The following ADAMTS5 variants were observed in gnomAD, a reference collection of about 807,000 sequenced individuals.
The protein encoded by ADAMTS5 is A disintegrin and metalloproteinase with thrombospondin motifs 5.
A neutral mutation model predicts 81.4 loss-of-function variants in ADAMTS5; 54 were observed. That is an observed-to-expected ratio of 0.66 (90% CI 0.53 to 0.83). ADAMTS5 has a LOEUF of 0.83. ADAMTS5 is among the 40% of genes least tolerant of loss of function. The pLI, the probability that ADAMTS5 is intolerant of heterozygous loss-of-function variation, is 0.00. For synonymous variants in ADAMTS5, 532 were observed against 508.8 expected, an observed-to-expected ratio of 1.05 and a Z score of -0.61; for missense variants, 1,194 against 1,229.9, an observed-to-expected ratio of 0.97 and a Z score of 0.44.
intron 1 of ADAMTS5, among the ~76,000 whole-genome samples, chr21:26,957,004 G>C (rs1176271082): frequency 6.6e-6 from 1 of 152,122 alleles, no homozygotes; most frequent in Non-Finnish European, 1.5e-5. Flanking sequence ...TGACTACTCA[G>C]CCACACTATA....
chr21:26,938,693 C>T (rs1164270878), intron 3 of ADAMTS5, among the ~76,000 whole-genome samples: 1 of 152,120 alleles, frequency 6.6e-6, no homozygotes, highest in African/African-American at 2.4e-5. Context: ...ACATGCCCAA[C>T]TGATTTTTGT....
intron 5 of ADAMTS5, 143 bp from the exon 6 acceptor site, chr21:26,932,322 G>T: frequency 2.6e-6 from 2 of 770,066 alleles, no homozygotes; most frequent in African/African-American, 1.8e-5. Context: ...AATGCTGATG[G>T]ATTTTATCTA....
Position 26,920,378 on chromosome 21 carries a change from T to C in ADAMTS5, c.*3675A>G, listed in dbSNP as rs2123226378. On this transcript the variant is annotated 3_prime_UTR_variant, in exon 8 of 8. Coordinates refer to ENST00000284987, the MANE Select transcript of ADAMTS5 (RefSeq NM_007038.5). The stretch of plus-strand genomic sequence containing the variant: ...ATCACCCCATGGGATTCAACAGCAG[T>C]AGGAAAACATCACATTCTCTTAATG... The C allele has an allele frequency of 6.6e-6, 1 of 152,132 alleles. No individual in the cohort carries two copies. Among genetic ancestry groups the C allele is most frequent in the East Asian group, 1.9e-4 (1 of 5,180 alleles). The allele number at this position is 152,132 out of a possible 1,614,324, so 9.4% of individuals were successfully genotyped here. A position where few individuals can be genotyped will look rare whatever the true frequency, so the allele number is the denominator to read the frequency against.
chr21:26,965,693 T>C lies in ADAMTS5; in HGVS notation c.699A>G (p.Ala233=). The C allele has an allele frequency of 1.3e-6, 2 of 1,582,746 alleles. No individual in the cohort carries two copies. The highest frequency in any genetic ancestry group is 2.3e-5 in the South Asian group (2 of 87,638). The change falls in exon 1 of 8, where the codon GCA becomes GCG. Residue 233 remains alanine, a synonymous_variant. Coordinates refer to ENST00000284987, the MANE Select transcript of ADAMTS5 (RefSeq NM_007038.5). ...PAHSNPSGRA[A]LASQLLDQSA... Reference sequence around the variant, plus strand: ...ACTGGTCCAAGAGCTGCGAGGCCAGTGCTGCGCGTCCGCTCGGGTTGCTGT... The same window carrying C: ...ACTGGTCCAAGAGCTGCGAGGCCAGCGCTGCGCGTCCGCTCGGGTTGCTGT...
chr21:26,966,554 C>G lies in ADAMTS5; in HGVS notation c.-163G>C, dbSNP rs1987680769. 1 of 525,424 alleles carries G rather than the reference C, an allele frequency of 1.9e-6. No homozygotes were observed. The highest frequency in any genetic ancestry group is 2.8e-6 in the Non-Finnish European group (1 of 358,504). 32.5% of individuals were successfully genotyped at this position (525,424 alleles called of 1,614,324 possible). On this transcript the variant is annotated 5_prime_UTR_variant, in exon 1 of 8. Coordinates refer to ENST00000284987, the MANE Select transcript of ADAMTS5 (RefSeq NM_007038.5). ...GGCCCGGCAGCAGCGCCAGCCTGTC[C>G]GGGCTGCGGTGCCAGCGTGCGAACT...
intron 6 of ADAMTS5, among the ~76,000 whole-genome samples, chr21:26,931,762 A>T (rs1206286300): frequency 1.3e-5 from 2 of 152,240 alleles, no homozygotes; most frequent in Non-Finnish European, 2.9e-5. Context: ...TACACCTTTT[A>T]CAGTGAGTTA....
chr21:26,963,375 CAATT>C (rs1264319357), intron 1 of ADAMTS5, among the ~76,000 whole-genome samples: 13 of 151,598 alleles, frequency 8.6e-5, no homozygotes, highest in African/African-American at 3.2e-4. Context: ...TTCTGGGAAA[CAATT>C]AGGAATGTTA....
chr21:26,966,263 G>C lies in ADAMTS5; in HGVS notation c.129C>G (p.Pro43=), dbSNP rs1418588542. 1 of 1,581,246 alleles carries C rather than the reference G, an allele frequency of 6.3e-7. No individual in the cohort carries two copies. Among genetic ancestry groups the C allele is most frequent in the Non-Finnish European group, 8.6e-7 (1 of 1,167,130 alleles). Residue 43 remains proline, a synonymous_variant, in exon 1 of 8, where the codon CCC becomes CCG. Coordinates refer to ENST00000284987, the MANE Select transcript of ADAMTS5 (RefSeq NM_007038.5). ...QPPTAAAAAQ[P]RRRQGEEVQE... The stretch of plus-strand genomic sequence containing the variant: ...GCACCTCCTCCCCCTGCCGCCGGCG[G>C]GGCTGGGCGGCTGCTGCAGCAGTCG...
chr21:26,947,523 T>A (rs1987238951), intron 2 of ADAMTS5, among the ~76,000 whole-genome samples: 1 of 152,008 alleles, frequency 6.6e-6, no homozygotes, highest in Non-Finnish European at 1.5e-5. Context: ...AATCTCCACC[T>A]CCCGGGTTCA....
Position 26,966,189 on chromosome 21 carries a change from C to A in ADAMTS5, c.203G>T (p.Arg68Leu), listed in dbSNP as rs761530593. ...GTTCTGCACCAGCCCCTTGCTCCTG[C>A]GCCGCTGCGCCAGGGGGTGCGGGTG... ...PGHPHPLAQR[R>L]RSKGLVQNID... The change falls in exon 1 of 8, where the codon CGC becomes CTC. Residue 68 changes from arginine (R) to leucine (L), a missense_variant. Arg to Leu is a moderately radical substitution (Grantham distance 102). Transcript: ENST00000284987. The A allele has an allele frequency of 6.3e-7, 1 of 1,599,400 alleles. No individual in the cohort carries two copies. Among genetic ancestry groups the A allele is most frequent in the African/African-American group, 1.3e-5 (1 of 74,652 alleles).
rs1987383054 is a variant in ADAMTS5, at chr21:26,954,560, CTT to C, written c.1237+177_1237+178del. On this transcript the variant is annotated intron_variant, in intron 2 of 7. Transcript: ENST00000284987. ...AAGAAAACATCCACCGTGTTGCTGA[CTT>C]TGCCTTCCCTGTCGCTCGTATTAGT... 1.3e-5 allele frequency among the ~76,000 whole-genome samples: 2 copies of C among 152,208 alleles called. 1 individual carries two copies. The highest frequency in any genetic ancestry group is 4.1e-4 in the South Asian group (2 of 4,834).
intron 1 of ADAMTS5, among the ~76,000 whole-genome samples, chr21:26,958,866 A>G (rs1334981250): frequency 6.6e-6 from 1 of 152,248 alleles, no homozygotes. Flanking sequence ...GAATCCATAA[A>G]GGTGTCTCCA....
Position 26,920,005 on chromosome 21 carries a change from A to C in ADAMTS5, c.*4048T>G, listed in dbSNP as rs1310684334. 2 of 151,932 alleles carry C rather than the reference A, an allele frequency of 1.3e-5. No individual in the cohort carries two copies. Among genetic ancestry groups the C allele is most frequent in the African/African-American group, 4.9e-5 (2 of 41,234 alleles). 9.4% of individuals were successfully genotyped at this position (151,932 alleles called of 1,614,324 possible). On this transcript the variant is annotated 3_prime_UTR_variant, in exon 8 of 8. Coordinates refer to ENST00000284987, the MANE Select transcript of ADAMTS5 (RefSeq NM_007038.5). ...TGTTAGCAAATATAAGGTATTTGTA[A>C]AGCATCTTTCATTATAAAGAGATTA...
rs369940415 is a variant in ADAMTS5, at chr21:26,966,479, GACAC to G, written c.-92_-89del. On this transcript the variant is annotated 5_prime_UTR_variant, in exon 1 of 8. Coordinates refer to ENST00000284987, the MANE Select transcript of ADAMTS5 (RefSeq NM_007038.5). ...TGAAGTTAACGGGGCGGGGGATGGGGACACACACACACTTGCTTGCAGGATTGAG... is the reference window on the plus strand; with the variant it reads ...TGAAGTTAACGGGGCGGGGGATGGGGACACACACTTGCTTGCAGGATTGAG... 2 of 1,296,352 alleles carry G rather than the reference GACAC, an allele frequency of 1.5e-6. No homozygotes were observed. Among genetic ancestry groups the G allele is most frequent in the East Asian group, 3.0e-5 (1 of 33,084 alleles). 80.3% of individuals were successfully genotyped at this position (1,296,352 alleles called of 1,614,324 possible).
chr21:26,929,012 G>A (rs1986857582), intron 7 of ADAMTS5, among the ~76,000 whole-genome samples: 1 of 152,096 alleles, frequency 6.6e-6, no homozygotes, highest in South Asian at 2.1e-4. Flanking sequence ...AATAGAATTA[G>A]TAACGCATAT....
chr21:26,963,522 A>G (rs1258081650), intron 1 of ADAMTS5, among the ~76,000 whole-genome samples: 4 of 151,536 alleles, frequency 2.6e-5, no homozygotes, highest in Non-Finnish European at 5.9e-5. Context: ...TATGCTTACA[A>G]AAGTATTTCT....
intron 7 of ADAMTS5, among the ~76,000 whole-genome samples, chr21:26,929,516 A>G (rs534569125): frequency 2.6e-5 from 4 of 152,206 alleles, no homozygotes; most frequent in Non-Finnish European, 1.5e-5. Flanking sequence ...TGTTTTTAAA[A>G]ATATAGTTAA....
Position 26,923,753 on chromosome 21 carries a change from G to A in ADAMTS5, c.*300C>T, listed in dbSNP as rs1415251164. The A allele has an allele frequency of 6.6e-6, 2 of 304,236 alleles. No individual in the cohort carries two copies. Among genetic ancestry groups the A allele is most frequent in the East Asian group, 1.1e-4 (2 of 17,452 alleles). 18.8% of individuals were successfully genotyped at this position (304,236 alleles called of 1,614,324 possible). ...CATTCTATCAGAGGTAGGTGACAAGGGGGAGACAGTTCTGCCATCTTCAAA... is the reference window on the plus strand; with the variant it reads ...CATTCTATCAGAGGTAGGTGACAAGAGGGAGACAGTTCTGCCATCTTCAAA... On this transcript the variant is annotated 3_prime_UTR_variant, in exon 8 of 8. Coordinates refer to ENST00000284987, the MANE Select transcript of ADAMTS5 (RefSeq NM_007038.5).
chr21:26,932,850 G>C lies in ADAMTS5; in HGVS notation c.1873+11C>G. 6.3e-7 allele frequency: 1 copy of C among 1,595,704 alleles called. No individual in the cohort carries two copies. Among genetic ancestry groups the C allele is most frequent in the African/African-American group, 1.3e-5 (1 of 74,106 alleles). On this transcript the variant is annotated intron_variant, in intron 5 of 7. Transcript: ENST00000284987. Reference sequence around the variant, plus strand: ...GCATATGATGGTTGCTGACACTTGGGAGCAGCGTACCATTGGGTGGGCAGG... The same window carrying C: ...GCATATGATGGTTGCTGACACTTGGCAGCAGCGTACCATTGGGTGGGCAGG...
Sources: allele counts gnomAD v4.1 joint callset (sites outside exome capture counted in the v4.1 genomes callset), GRCh38; gene constraint gnomAD v4.1.1; transcripts MANE v1.5; gene names NCBI Gene and HGNC (gene_info 2026-07-23, HGNC 2026-07-21).